CFAP299: variants seen among roughly 807,000 people sequenced by gnomAD.
CFAP299 encodes cilia and flagella associated protein 299.
CFAP299 carries 21 observed loss-of-function variants against 27.0 expected under a neutral mutation model. The observed-to-expected ratio is 0.78, with a 90% CI of 0.55 to 1.12. The LOEUF is 1.12. Ranked by LOEUF, CFAP299 falls within the 50% of genes most tolerant of loss-of-function variation. CFAP299 has a pLI of 0.00. For synonymous variants in CFAP299, 104 were observed against 98.1 expected, an observed-to-expected ratio of 1.06 and a Z score of -0.36; for missense variants, 310 against 276.6, an observed-to-expected ratio of 1.12 and a Z score of -0.86.
At chr4:80,588,612 T>G (rs1332725070) in intron 3 of CFAP299, among the ~76,000 whole-genome samples, 1 of 150,818 alleles carries the variant, frequency 6.6e-6, no homozygotes, top group Non-Finnish European at 1.5e-5. Flanking sequence ...TCCAAAAATT[T>G]TACATGTGTA....
chr4:80,713,451 A>T (rs1363959257), intron 3 of CFAP299, among the ~76,000 whole-genome samples: 2 of 152,196 alleles, frequency 1.3e-5, no homozygotes, highest in African/African-American at 4.8e-5. Context: ...TTCCATAGAA[A>T]ATAAATTGCT....
intron 3 of CFAP299, among the ~76,000 whole-genome samples, chr4:80,810,274 C>T (rs1729077954): frequency 1.3e-5 from 2 of 151,846 alleles, no homozygotes; most frequent in South Asian, 4.1e-4. Flanking sequence ...CTTGAAGGAA[C>T]TTAATCAGAT....
At chr4:80,632,130 A>T (rs188407119) in intron 3 of CFAP299, among the ~76,000 whole-genome samples, 206 of 152,262 alleles carry the variant, frequency 1.4e-3, no homozygotes, top group Admixed American at 2.5e-3. Context: ...TCTGTTGGTT[A>T]TAAGTCACCT....
intron 4 of CFAP299, among the ~76,000 whole-genome samples, chr4:80,884,661 A>C (rs1182531489): frequency 1.3e-5 from 2 of 150,710 alleles, no homozygotes; most frequent in Non-Finnish European, 3.0e-5. Context: ...TACCAAAAAA[A>C]AAAAAAATAG....
intron 3 of CFAP299, among the ~76,000 whole-genome samples, chr4:80,702,313 T>A (rs1324933938): frequency 1.3e-5 from 2 of 151,878 alleles, no homozygotes; most frequent in Non-Finnish European, 2.9e-5. Context: ...TTCATTTTGT[T>A]TTGCCTCTGT....
At chr4:80,741,549 G>C (rs1263473282) in intron 3 of CFAP299, among the ~76,000 whole-genome samples, 7 of 152,054 alleles carry the variant, frequency 4.6e-5, no homozygotes, top group Non-Finnish European at 7.4e-5. Flanking sequence ...TGGCTGAGCT[G>C]GTATCCAAGA....
intron 2 of CFAP299, among the ~76,000 whole-genome samples, chr4:80,491,484 G>T (rs1005416095): frequency 6.6e-6 from 1 of 151,962 alleles, no homozygotes; most frequent in African/African-American, 2.4e-5. Flanking sequence ...TAATATAGCC[G>T]ATTTCTTTCT....
At chr4:80,624,151 G>A (rs1356774905) in intron 3 of CFAP299, among the ~76,000 whole-genome samples, 1 of 152,094 alleles carries the variant, frequency 6.6e-6, no homozygotes, top group African/African-American at 2.4e-5. Flanking sequence ...GGGTGCCATT[G>A]ACTGTTCCTA....
At chr4:80,724,187 T>C (rs1723009674) in intron 3 of CFAP299, among the ~76,000 whole-genome samples, 1 of 152,160 alleles carries the variant, frequency 6.6e-6, no homozygotes, top group South Asian at 2.1e-4. Context: ...AAAATATTTC[T>C]GGATTTAATA....
At chr4:80,381,191 T>A (rs1309778823) in intron 2 of CFAP299, among the ~76,000 whole-genome samples, 2 of 152,200 alleles carry the variant, frequency 1.3e-5, no homozygotes, top group Non-Finnish European at 2.9e-5. Flanking sequence ...AAATAGCTCA[T>A]TATTTTTCTT....
intron 4 of CFAP299, chr4:80,871,264 T>C: frequency 1.0e-6 from 1 of 985,452 alleles, no homozygotes; most frequent in Non-Finnish European, 1.2e-6. Flanking sequence ...TAACATTTCA[T>C]TTAACTTCTC....
intron 2 of CFAP299, among the ~76,000 whole-genome samples, chr4:80,430,484 G>T (rs1727758417): frequency 6.6e-6 from 1 of 152,106 alleles, no homozygotes; most frequent in African/African-American, 2.4e-5. Context: ...AGGTGCTCTG[G>T]GGATCAGTCC....
At chr4:80,691,968 C>T (rs1200427364) in intron 3 of CFAP299, among the ~76,000 whole-genome samples, 3 of 151,866 alleles carry the variant, frequency 2.0e-5, no homozygotes, top group East Asian at 1.9e-4. Flanking sequence ...AATAAAATAC[C>T]TAGGAATCCA....
chr4:80,823,336 A>G (rs918605298), intron 3 of CFAP299, among the ~76,000 whole-genome samples: 12 of 152,140 alleles, frequency 7.9e-5, no homozygotes, highest in African/African-American at 2.7e-4. Flanking sequence ...TACATTATAT[A>G]TTGATAAATC....
In CFAP299 at chr4:80,513,749, A is replaced by C. The variant is rs79034634; in HGVS notation, c.243-69344A>C. Among the ~76,000 whole-genome samples the C allele has an allele frequency of 1.7e-3, 257 of 152,286 alleles. 4 individuals carry two copies. The East Asian group carries it at 0.029, about 17-fold the overall frequency. ...AAAATGAATTTAAATTTTGTAATTT[A>C]ATAGTATTTTTTTCCAATCATCCCA... On this transcript the variant is annotated intron_variant, in intron 2 of 5. Transcript: ENST00000358105.
intron 3 of CFAP299, among the ~76,000 whole-genome samples, chr4:80,799,520 AT>A (rs1243804570): frequency 1.0e-4 from 8 of 79,246 alleles, no homozygotes; most frequent in African/African-American, 4.1e-4. Flanking sequence ...GTATATTTAT[AT>A]AATATATAAT....
chr4:80,459,977 C>T (rs991480769), intron 2 of CFAP299, among the ~76,000 whole-genome samples: 1 of 152,086 alleles, frequency 6.6e-6, no homozygotes, highest in Non-Finnish European at 1.5e-5. Context: ...GGAAGTTATA[C>T]AAAATATGAA....
At chr4:80,584,555 C>G (rs1578634174) in intron 3 of CFAP299, among the ~76,000 whole-genome samples, 1 of 152,036 alleles carries the variant, frequency 6.6e-6, no homozygotes, top group East Asian at 1.9e-4. Flanking sequence ...GTTTTATTTC[C>G]TTCCTTGGTG....
chr4:80,352,132 A>G (rs1255183627), intron 1 of CFAP299, among the ~76,000 whole-genome samples: 1 of 152,178 alleles, frequency 6.6e-6, no homozygotes, highest in Non-Finnish European at 1.5e-5. Context: ...CTCATGCCAG[A>G]TCCTCAAAAT....
Sources: gnomAD v4.1 joint callset for allele counts (sites outside exome capture counted in the v4.1 genomes callset) on GRCh38, gnomAD v4.1.1 for gene constraint, MANE v1.5 for transcripts, NCBI Gene and HGNC (gene_info 2026-07-23, HGNC 2026-07-21) for gene names.